VAC14: variants seen among roughly 807,000 people sequenced by gnomAD.
VAC14 encodes the protein VAC14 component of PIKFYVE complex.
VAC14 carries 47 observed loss-of-function variants against 85.3 expected under a neutral mutation model. That is an observed-to-expected ratio of 0.55 (90% CI 0.44 to 0.70). The LOEUF is 0.70. Ranked by LOEUF, VAC14 falls within the 30% of genes least tolerant of loss-of-function variation. The pLI is 0.00. For synonymous variants in VAC14, 447 were observed against 430.5 expected (o/e 1.04, Z -0.47); for missense variants, 861 against 1,004.3 (o/e 0.86, Z 1.93).
At chr16:70,728,464 C>T (rs567864154) in intron 14 of VAC14, among the ~76,000 whole-genome samples, 2 of 152,324 alleles carry the variant, frequency 1.3e-5, no homozygotes, top group South Asian at 2.1e-4. Flanking sequence ...TGCAAAATGA[C>T]GATTCCCGTG....
At chr16:70,708,662 G>C (rs957498921) in intron 14 of VAC14, among the ~76,000 whole-genome samples, 1 of 152,244 alleles carries the variant, frequency 6.6e-6, no homozygotes, top group African/African-American at 2.4e-5. Flanking sequence ...GGCGAGGGCT[G>C]GGGACAGGCG....
At chr16:70,694,458 T>G (rs573764210) in intron 17 of VAC14, among the ~76,000 whole-genome samples, 1 of 152,246 alleles carries the variant, frequency 6.6e-6, no homozygotes, top group Admixed American at 6.5e-5. Flanking sequence ...AGGGCATCAG[T>G]TCCTACGGCA....
intron 14 of VAC14, among the ~76,000 whole-genome samples, chr16:70,722,533 G>A (rs1015659208): frequency 5.9e-5 from 9 of 152,216 alleles, no homozygotes; most frequent in African/African-American, 2.2e-4. Flanking sequence ...GGAGAGAGAA[G>A]GGAGAAGCGC....
intron 10 of VAC14, among the ~76,000 whole-genome samples, chr16:70,763,246 TCC>T (rs1332827192): frequency 6.6e-6 from 1 of 152,194 alleles, no homozygotes; most frequent in Non-Finnish European, 1.5e-5. Flanking sequence ...CTTCTCTCTC[TCC>T]CTTTCCAAAG....
chr16:70,742,313 G>T (rs1331130384), intron 13 of VAC14, among the ~76,000 whole-genome samples: 1 of 152,194 alleles, frequency 6.6e-6, no homozygotes, highest in Non-Finnish European at 1.5e-5. Flanking sequence ...CTTCCGGTCA[G>T]TTCTTGCTGC....
chr16:70,718,647 T>C (rs957841592), intron 14 of VAC14, among the ~76,000 whole-genome samples: 7 of 151,884 alleles, frequency 4.6e-5, no homozygotes, highest in African/African-American at 1.7e-4. Context: ...CCTGTGGTTC[T>C]CCTGGCTCAG....
At chr16:70,705,440 G>T (rs2053903106) in intron 14 of VAC14, among the ~76,000 whole-genome samples, 1 of 152,256 alleles carries the variant, frequency 6.6e-6, no homozygotes, top group Non-Finnish European at 1.5e-5. Context: ...CAAGGGCAGG[G>T]ATGTGGACAG....
intron 2 of VAC14, 103 bp downstream of exon 2, chr16:70,786,112 G>T: frequency 1.3e-6 from 2 of 1,517,322 alleles, no homozygotes; most frequent in South Asian, 2.5e-5. Context: ...ATAAAACATA[G>T]GTCTGCAATG....
At chr16:70,712,338 T>G (rs1352745132) in intron 14 of VAC14, among the ~76,000 whole-genome samples, 1 of 152,082 alleles carries the variant, frequency 6.6e-6, no homozygotes, top group Non-Finnish European at 1.5e-5. Context: ...GCAAGAGGCC[T>G]GCTCCCTCCA....
chr16:70,691,541 C>T, intron 18 of VAC14: 5 of 985,480 alleles, frequency 5.1e-6, no homozygotes, highest in Non-Finnish European at 6.0e-6. Context: ...CATGGCTGAC[C>T]CTGCTCCCCT....
At chr16:70,731,051 T>G (rs1188522931) in intron 14 of VAC14, among the ~76,000 whole-genome samples, 1 of 152,194 alleles carries the variant, frequency 6.6e-6, no homozygotes, top group Non-Finnish European at 1.5e-5. Flanking sequence ...CCTCTGGGGC[T>G]GGTGCCCTGG....
chr16:70,780,178 C>A (rs1405727205), intron 9 of VAC14, among the ~76,000 whole-genome samples: 1 of 152,022 alleles, frequency 6.6e-6, no homozygotes, highest in African/African-American at 2.4e-5. Context: ...TTTTCTTTAC[C>A]TTACAGCTAA....
At chr16:70,738,536 G>A (rs1219208003) in intron 13 of VAC14, among the ~76,000 whole-genome samples, 1 of 152,110 alleles carries the variant, frequency 6.6e-6, no homozygotes, top group Admixed American at 6.5e-5. Context: ...GGTGAGGGCT[G>A]GGGCCAAAGG....
At position 70,731,478 on chromosome 16, in the gene VAC14, GCGC is replaced by G; in HGVS notation, c.1661+14_1661+16del. ...GGCCGTGGGAGGAAGAGGAGAAAGC[GCGC>G]CGCCAAGGCTGACCTGATGATGAAA... is the stretch of plus-strand genomic sequence containing the variant. On this transcript the variant is annotated intron_variant, in intron 14 of 18. Coordinates refer to ENST00000261776, the MANE Select transcript of VAC14 (RefSeq NM_018052.5). The G allele has an allele frequency of 1.2e-6, 2 of 1,608,092 alleles. No individual in the cohort carries two copies. Among genetic ancestry groups the G allele is most frequent in the Non-Finnish European group, 8.5e-7 (1 of 1,177,290 alleles).
At chr16:70,757,937 G>C (rs1227892892) in intron 12 of VAC14, among the ~76,000 whole-genome samples, 1 of 152,204 alleles carries the variant, frequency 6.6e-6, no homozygotes, top group Non-Finnish European at 1.5e-5. Flanking sequence ...AAGTGGCAGA[G>C]CCCAAGGTGG....
intron 10 of VAC14, chr16:70,766,436 T>C: frequency 2.2e-6 from 1 of 454,716 alleles, no homozygotes; most frequent in Non-Finnish European, 4.4e-6. Flanking sequence ...TCCAACTTTC[T>C]CCACAGCAAA....
chr16:70,707,065 CT>C (rs1233322594), intron 14 of VAC14, among the ~76,000 whole-genome samples: 1 of 152,194 alleles, frequency 6.6e-6, no homozygotes, highest in African/African-American at 2.4e-5. Context: ...TCAGTATAAC[CT>C]TAGGATAGGG....
intron 10 of VAC14, among the ~76,000 whole-genome samples, chr16:70,767,264 C>A (rs1401357278): frequency 6.6e-6 from 1 of 152,178 alleles, no homozygotes; most frequent in African/African-American, 2.4e-5. Flanking sequence ...CAGTTGTTCT[C>A]TCAGGGAGAC....
intron 1 of VAC14, among the ~76,000 whole-genome samples, chr16:70,797,105 A>G (rs1020702595): frequency 7.9e-5 from 12 of 152,188 alleles, no homozygotes; most frequent in Admixed American, 3.3e-4. Context: ...AGAACAACGC[A>G]TTTGTTACTA....
Sources: allele counts gnomAD v4.1 joint callset (sites outside exome capture counted in the v4.1 genomes callset), GRCh38; gene constraint gnomAD v4.1.1; transcripts MANE v1.5; gene names NCBI Gene and HGNC (gene_info 2026-07-23, HGNC 2026-07-21).